CDC73: variants seen among roughly 807,000 people sequenced by gnomAD.
The protein encoded by CDC73 is cell division cycle 73.
In CDC73, 21 loss-of-function variants were observed where a neutral mutation model predicts 83.7. That is an observed-to-expected ratio of 0.25 (90% CI 0.18 to 0.36). The LOEUF (loss-of-function observed/expected upper bound fraction) is 0.36. CDC73 is among the 10% of genes least tolerant of loss of function. The pLI is 1.00. For missense variants in CDC73, 342 were observed against 653.3 expected (o/e 0.52, Z 5.19); for synonymous variants, 224 against 212.9 (o/e 1.05, Z -0.45).
chr1:193,149,240 C>T (rs998937775), intron 8 of CDC73, among the ~76,000 whole-genome samples: 2 of 152,070 alleles, frequency 1.3e-5, no homozygotes, highest in African/African-American at 2.4e-5. Context: ...GGACCAGTTT[C>T]GTAGAAGACA....
chr1:193,213,521 T>C (rs544333808), intron 13 of CDC73, among the ~76,000 whole-genome samples: 1 of 152,286 alleles, frequency 6.6e-6, no homozygotes, highest in Non-Finnish European at 1.5e-5. Flanking sequence ...AATTCAAAAA[T>C]TGTAATACAT....
Position 193,192,654 on chromosome 1 carries a change from C to T in CDC73, c.973-11141C>T, listed in dbSNP as rs141930022. Among the ~76,000 whole-genome samples the T allele has an allele frequency of 2.6e-3, 397 of 152,194 alleles. 2 individuals are homozygous for T. The highest frequency in any genetic ancestry group is 8.9e-3 in the African/African-American group (370 of 41,516). ...GGGTCTGACCTACAGAACCAGGCTGCACGATGGATGAATAACGTACTCAGA... is the reference window on the plus strand; with the variant it reads ...GGGTCTGACCTACAGAACCAGGCTGTACGATGGATGAATAACGTACTCAGA... On this transcript the variant is annotated intron_variant, in intron 10 of 16. Transcript: ENST00000367435.
rs545334777 is a variant in CDC73 at position 193,191,470 on chromosome 1, T to C, written c.973-12325T>C. On this transcript the variant is annotated intron_variant, in intron 10 of 16. Transcript: ENST00000367435. Reference sequence around the variant, plus strand: ...TGGCGTGATCTTGGCTCACTGCAACTTCCACCTCCCAGTTTCAAGTGATTC... The same window carrying C: ...TGGCGTGATCTTGGCTCACTGCAACCTCCACCTCCCAGTTTCAAGTGATTC... 9.2e-5 allele frequency among the ~76,000 whole-genome samples: 14 copies of C among 152,262 alleles called. No homozygotes were observed. In the East Asian group the frequency reaches 2.3e-3, roughly 25 times the overall value.
intron 13 of CDC73, among the ~76,000 whole-genome samples, chr1:193,226,909 A>C (rs1677575730): frequency 6.6e-6 from 1 of 152,026 alleles, no homozygotes; most frequent in Non-Finnish European, 1.5e-5. Flanking sequence ...TCTTCTTCCA[A>C]TGTCTGATAC....
chr1:193,233,220 T>A, intron 14 of CDC73, 66 bp downstream of exon 14: 1 of 1,428,480 alleles, frequency 7.0e-7, no homozygotes, highest in East Asian at 2.3e-5. Context: ...ATGTTGTTAT[T>A]GCCGTTGATG....
chr1:193,205,763 G>A (rs1677178851), intron 11 of CDC73, among the ~76,000 whole-genome samples: 1 of 152,088 alleles, frequency 6.6e-6, no homozygotes, highest in Non-Finnish European at 1.5e-5. Context: ...ATAGGCTCTT[G>A]TCCAGAAACT....
intron 10 of CDC73, among the ~76,000 whole-genome samples, chr1:193,190,074 G>T (rs755069628): frequency 6.6e-6 from 1 of 152,150 alleles, no homozygotes; most frequent in Non-Finnish European, 1.5e-5. Flanking sequence ...GCTTTATTAT[G>T]AGTGGTTGGT....
At chr1:193,144,815 C>CTT (rs34816338) in intron 7 of CDC73, among the ~76,000 whole-genome samples, 101 of 139,224 alleles carry the variant, frequency 7.3e-4, no homozygotes, top group African/African-American at 2.6e-3. Context: ...ATTTGGCAGA[C>CTT]TTTTTTTTTT....
At chr1:193,147,772 A>C (rs891034081) in intron 7 of CDC73, 95 bp from the exon 8 acceptor site, 3 of 762,526 alleles carry the variant, frequency 3.9e-6, no homozygotes, top group Non-Finnish European at 7.0e-6. Context: ...GTAGTAGGGA[A>C]GAATCGATAG....
intron 10 of CDC73, among the ~76,000 whole-genome samples, chr1:193,170,900 G>C (rs983646464): frequency 1.3e-5 from 2 of 152,134 alleles, no homozygotes; most frequent in Non-Finnish European, 2.9e-5. Flanking sequence ...GTGAGCAAAG[G>C]GGGCACAGCC....
At chr1:193,124,476 AT>A (rs1675527644) in intron 1 of CDC73, among the ~76,000 whole-genome samples, 1 of 152,208 alleles carries the variant, frequency 6.6e-6, no homozygotes, top group Non-Finnish European at 1.5e-5. Flanking sequence ...ATTCAAAGAT[AT>A]AGAAGGGGAA....
intron 10 of CDC73, among the ~76,000 whole-genome samples, chr1:193,197,927 CAA>C (rs61392426): frequency 7.0e-4 from 51 of 73,220 alleles, no homozygotes; most frequent in African/African-American, 1.4e-3. Context: ...ACCATCTCAC[CAA>C]AAAAAAAAAA....
chr1:193,127,289 A>ATGTGTGTG (rs34948918), intron 2 of CDC73, among the ~76,000 whole-genome samples: 8,048 of 143,134 alleles, frequency 0.056, 276 homozygotes, highest in Non-Finnish European at 0.073. Context: ...AAAAAAAAAA[A>ATGTGTGTG]TGTGTGTGTG....
At chr1:193,184,687 C>T (rs574352018) in intron 10 of CDC73, among the ~76,000 whole-genome samples, 34 of 151,954 alleles carry the variant, frequency 2.2e-4, no homozygotes, top group Admixed American at 2.2e-3. Context: ...TAATTGGTGA[C>T]TTCAATATTG....
At chr1:193,206,680 T>C (rs1558310952) in intron 11 of CDC73, among the ~76,000 whole-genome samples, 1 of 152,184 alleles carries the variant, frequency 6.6e-6, no homozygotes, top group Non-Finnish European at 1.5e-5. Flanking sequence ...ATAACTGTTA[T>C]TTGTTGGGTA....
At chr1:193,139,272 CT>C (rs1028528462) in intron 6 of CDC73, among the ~76,000 whole-genome samples, 28 of 143,354 alleles carry the variant, frequency 2.0e-4, no homozygotes, top group Non-Finnish European at 1.5e-4. Context: ...TTGTTTTGCT[CT>C]TTTTTTTTTT....
intron 7 of CDC73, among the ~76,000 whole-genome samples, chr1:193,145,865 T>A (rs1002736570): frequency 6.6e-6 from 1 of 152,210 alleles, no homozygotes; most frequent in Non-Finnish European, 1.5e-5. Context: ...AGGCAAGTGC[T>A]AAACACTGAC....
chr1:193,140,941 C>T (rs762462900), intron 6 of CDC73: 2 of 152,176 alleles, frequency 1.3e-5, no homozygotes, highest in Non-Finnish European at 2.9e-5. Flanking sequence ...CACAGTATTA[C>T]ACAAAATGCA....
chr1:193,131,647 A>G (rs1050632408), intron 3 of CDC73, among the ~76,000 whole-genome samples: 5 of 152,332 alleles, frequency 3.3e-5, no homozygotes, highest in South Asian at 2.1e-4. Context: ...TCCTTTGCTC[A>G]TAACAGTCAG....
Sources: gnomAD v4.1 joint callset for allele counts (sites outside exome capture counted in the v4.1 genomes callset) on GRCh38, gnomAD v4.1.1 for gene constraint, MANE v1.5 for transcripts, NCBI Gene and HGNC (gene_info 2026-07-23, HGNC 2026-07-21) for gene names.